Variants in SPON1 observed in about 807,000 individuals in gnomAD.
SPON1 encodes the protein spondin-1.
Under a neutral mutation model 111.7 loss-of-function variants are expected in SPON1, and 52 were observed. The observed-to-expected ratio is 0.47, with a 90% CI of 0.37 to 0.59. The LOEUF (loss-of-function observed/expected upper bound fraction) is 0.59, where lower values mean the gene tolerates loss of function less well. Among genes scored for constraint, SPON1 ranks in the 20% least tolerant of loss-of-function variants. The pLI, the probability that SPON1 is intolerant of heterozygous loss-of-function variation, is 0.00. For synonymous variants in SPON1, 410 were observed against 395.8 expected, an observed-to-expected ratio of 1.04 and a Z score of -0.43; for missense variants, 957 against 1,068.5, an observed-to-expected ratio of 0.90 and a Z score of 1.46.
intron 2 of SPON1, among the ~76,000 whole-genome samples, chr11:14,027,400 CCAACATT>C (rs1848526701): frequency 6.6e-6 from 1 of 152,186 alleles, no homozygotes; most frequent in African/African-American, 2.4e-5. Flanking sequence ...TGATCAAGTT[CCAACATT>C]CCTCTGAGCT....
intron 6 of SPON1, among the ~76,000 whole-genome samples, chr11:14,152,673 A>G (rs1161610628): frequency 6.6e-6 from 1 of 152,254 alleles, no homozygotes; most frequent in Admixed American, 6.5e-5. Flanking sequence ...TCATAAGTGC[A>G]TATATGTAAC....
intron 2 of SPON1, among the ~76,000 whole-genome samples, chr11:14,029,588 A>G (rs1241601284): frequency 6.6e-6 from 1 of 152,168 alleles, no homozygotes; most frequent in African/African-American, 2.4e-5. Context: ...GTTGAATCCC[A>G]GGTCACCACA....
chr11:14,163,221 T>C (rs1847987961), intron 6 of SPON1, among the ~76,000 whole-genome samples: 1 of 152,182 alleles, frequency 6.6e-6, no homozygotes, highest in Non-Finnish European at 1.5e-5. Context: ...CCCTAAGAAG[T>C]AGGGCTATTA....
intron 2 of SPON1, among the ~76,000 whole-genome samples, chr11:13,997,236 T>C (rs1848280388): frequency 6.6e-6 from 1 of 152,140 alleles, no homozygotes; most frequent in Non-Finnish European, 1.5e-5. Context: ...AGTATTCCTA[T>C]TTTCAGGCTG....
chr11:13,977,844 T>A (rs1437691689), intron 1 of SPON1, among the ~76,000 whole-genome samples: 3 of 152,198 alleles, frequency 2.0e-5, no homozygotes, highest in Non-Finnish European at 4.4e-5. Context: ...GAATTTACTC[T>A]GTGTATGATG....
At chr11:14,052,513 C>A (rs1848715492) in intron 3 of SPON1, among the ~76,000 whole-genome samples, 2 of 152,196 alleles carry the variant, frequency 1.3e-5, no homozygotes, top group Non-Finnish European at 2.9e-5. Context: ...CCTCAGGAAC[C>A]CTGACCAGGG....
At chr11:14,171,951 A>G (rs1215776618) in intron 6 of SPON1, among the ~76,000 whole-genome samples, 3 of 152,206 alleles carry the variant, frequency 2.0e-5, no homozygotes, top group African/African-American at 7.2e-5. Context: ...TGTGGTGCTG[A>G]AAAGAATGTA....
At chr11:13,979,234 T>C (rs1591338505) in intron 1 of SPON1, among the ~76,000 whole-genome samples, 1 of 152,168 alleles carries the variant, frequency 6.6e-6, no homozygotes, top group African/African-American at 2.4e-5. Context: ...GGCTCTAATA[T>C]CTGCCTCTGT....
At chr11:14,093,378 A>C (rs1166282031) in intron 5 of SPON1, among the ~76,000 whole-genome samples, 2 of 152,220 alleles carry the variant, frequency 1.3e-5, no homozygotes, top group Non-Finnish European at 2.9e-5. Context: ...TCTAGCTCTG[A>C]ATACAGCTCT....
chr11:14,171,465 G>T (rs1433424112), intron 6 of SPON1, among the ~76,000 whole-genome samples: 3 of 152,098 alleles, frequency 2.0e-5, no homozygotes, highest in African/African-American at 7.2e-5. Flanking sequence ...TGGATTTTTT[G>T]AAGGGTTTTT....
intron 15 of SPON1, 115 bp downstream of exon 15, chr11:14,263,090 C>A: frequency 8.7e-7 from 1 of 1,146,576 alleles, no homozygotes; most frequent in Non-Finnish European, 1.2e-6. Flanking sequence ...GGAGAGTCTG[C>A]ATCTTCTGGA....
chr11:14,246,063 C>T (rs1848985709), intron 7 of SPON1, among the ~76,000 whole-genome samples: 2 of 152,244 alleles, frequency 1.3e-5, no homozygotes, highest in South Asian at 4.1e-4. Context: ...GAACCCCTCA[C>T]TTCTGGTCCT....
chr11:14,032,511 C>G (rs1359932113), intron 2 of SPON1, among the ~76,000 whole-genome samples: 3 of 152,214 alleles, frequency 2.0e-5, no homozygotes, highest in Non-Finnish European at 4.4e-5. Flanking sequence ...GGAACCACAA[C>G]ATACCGAGGG....
At chr11:14,233,660 G>A (rs1848828495) in intron 6 of SPON1, among the ~76,000 whole-genome samples, 1 of 151,972 alleles carries the variant, frequency 6.6e-6, no homozygotes, top group Admixed American at 6.6e-5. Context: ...ATGCAATGCG[G>A]CCCCTGCTCT....
intron 2 of SPON1, among the ~76,000 whole-genome samples, chr11:14,008,668 C>T (rs1554913434): frequency 6.6e-6 from 1 of 152,146 alleles, no homozygotes; most frequent in Non-Finnish European, 1.5e-5. Flanking sequence ...TGGATCTCTC[C>T]ATCCCTGTCC....
At position 14,266,786 on chromosome 11, in the gene SPON1, G is replaced by GATT. The variant is rs1456466528; in HGVS notation, c.*1101_*1103dup. On this transcript the variant is annotated 3_prime_UTR_variant, in exon 16 of 16. Coordinates refer to ENST00000576479, the MANE Select transcript of SPON1 (RefSeq NM_006108.4). ...AATCTAAGGGAAAGGAATATTATGGGATTAAGCTGAGCAAGCAATTCTGGT... is the reference window on the plus strand; with the variant it reads ...AATCTAAGGGAAAGGAATATTATGGGATTATTAAGCTGAGCAAGCAATTCTGGT... 3.3e-5 allele frequency: 5 copies of GATT among 152,152 alleles called. No homozygotes were observed. Among genetic ancestry groups the GATT allele is most frequent in the Middle Eastern group, 3.4e-3 (1 of 294 alleles). The allele number at this position is 152,152 out of a possible 1,614,324, so 9.4% of individuals were successfully genotyped here. A position where few individuals can be genotyped will look rare whatever the true frequency, so the allele number is the denominator to read the frequency against.
At chr11:14,009,946 T>C (rs7118706) in intron 2 of SPON1, among the ~76,000 whole-genome samples, 4,610 of 152,236 alleles carry the variant, frequency 0.03, 245 homozygotes, top group African/African-American at 0.1. Context: ...AAGAACTTGA[T>C]GGAGGGGGCT....
At chr11:14,131,866 T>C (rs1414192869) in intron 5 of SPON1, among the ~76,000 whole-genome samples, 1 of 152,192 alleles carries the variant, frequency 6.6e-6, no homozygotes, top group Non-Finnish European at 1.5e-5. Context: ...ATGTTGCAAA[T>C]TGTTTTTCCA....
intron 2 of SPON1, among the ~76,000 whole-genome samples, chr11:13,987,705 A>C (rs1171054131): frequency 1.3e-5 from 2 of 152,152 alleles, no homozygotes. Context: ...TAAGTTTCTG[A>C]TCCACCTTGA....
Sources: allele counts gnomAD v4.1 joint callset (sites outside exome capture counted in the v4.1 genomes callset), GRCh38; gene constraint gnomAD v4.1.1; transcripts MANE v1.5; gene names NCBI Gene and HGNC (gene_info 2026-07-23, HGNC 2026-07-21).